The following EFCAB11 variants were observed in gnomAD, a reference collection of about 807,000 sequenced individuals.
The protein encoded by EFCAB11 is EF-hand calcium-binding domain-containing protein 11.
In EFCAB11, 14 loss-of-function variants were observed where a neutral mutation model predicts 23.0. The observed-to-expected ratio is 0.61, with a 90% CI of 0.40 to 0.95. The LOEUF is 0.95. EFCAB11 is among the 40% of genes least tolerant of loss of function. EFCAB11 has a pLI of 0.00. For missense variants in EFCAB11, 198 were observed against 195.8 expected (o/e 1.01, Z -0.07); for synonymous variants, 65 against 66.6 (o/e 0.98, Z 0.11).
intron 5 of EFCAB11, among the ~76,000 whole-genome samples, chr14:89,890,803 G>T (rs1888940470): frequency 6.6e-6 from 1 of 152,230 alleles, no homozygotes; most frequent in Non-Finnish European, 1.5e-5. Context: ...TGGGGCTGCG[G>T]TCTGGTAGCC....
chr14:89,922,459 TC>T (rs1306370355), intron 5 of EFCAB11, among the ~76,000 whole-genome samples: 1 of 152,192 alleles, frequency 6.6e-6, no homozygotes. Flanking sequence ...CACCCTTTTT[TC>T]TCAGATGACA....
chr14:89,866,134 T>A (rs1888085463), intron 5 of EFCAB11, among the ~76,000 whole-genome samples: 1 of 152,172 alleles, frequency 6.6e-6, no homozygotes, highest in Admixed American at 6.5e-5. Flanking sequence ...TGCTTGACTG[T>A]CAGAGGACTT....
chr14:89,859,440 T>C (rs1887854068), intron 5 of EFCAB11, among the ~76,000 whole-genome samples: 1 of 152,234 alleles, frequency 6.6e-6, no homozygotes, highest in Non-Finnish European at 1.5e-5. Context: ...GAGAGACTTG[T>C]GTTTCTCACA....
chr14:89,909,249 C>T (rs1273942275), intron 5 of EFCAB11, among the ~76,000 whole-genome samples: 1 of 152,174 alleles, frequency 6.6e-6, no homozygotes, highest in African/African-American at 2.4e-5. Context: ...CATTTTAATC[C>T]ATTCTCCACA....
intron 5 of EFCAB11, among the ~76,000 whole-genome samples, chr14:89,807,449 A>G (rs1457378531): frequency 2.0e-5 from 3 of 152,208 alleles, no homozygotes; most frequent in Admixed American, 2.0e-4. Flanking sequence ...ATATTTCCAT[A>G]CAAGAAAGCT....
intron 5 of EFCAB11, among the ~76,000 whole-genome samples, chr14:89,806,860 T>C (rs1052205730): frequency 6.6e-6 from 1 of 152,196 alleles, no homozygotes; most frequent in Non-Finnish European, 1.5e-5. Flanking sequence ...ACTAGTATCT[T>C]TGTATGCAGA....
chr14:89,836,363 A>G (rs1887078634), intron 5 of EFCAB11: 1 of 342,052 alleles, frequency 2.9e-6, no homozygotes, highest in African/African-American at 2.2e-5. Context: ...TTTAGACCAC[A>G]TTCCAGGTAC....
intron 5 of EFCAB11, among the ~76,000 whole-genome samples, chr14:89,921,393 T>A (rs1890019179): frequency 6.6e-6 from 1 of 152,188 alleles, no homozygotes; most frequent in African/African-American, 2.4e-5. Context: ...AAAAAGCTAT[T>A]GAAGTTAGGA....
In EFCAB11 at chr14:89,900,722, A is replaced by C. The variant is rs192594685; in HGVS notation, c.410+30819T>G. 1.5e-4 allele frequency among the ~76,000 whole-genome samples: 23 copies of C among 152,358 alleles called. No homozygotes were observed. The East Asian group carries it at 4.2e-3, about 28-fold the overall frequency. On this transcript the variant is annotated intron_variant, in intron 5 of 5. Coordinates refer to ENST00000316738, the MANE Select transcript of EFCAB11 (RefSeq NM_145231.4). ...CACAGAATCAGGGAGAGTTAGAAAG[A>C]ATAAAGCAAAACAAACATCCAGGGA...
chr14:89,906,816 A>T (rs1251900604), intron 5 of EFCAB11, among the ~76,000 whole-genome samples: 1 of 152,230 alleles, frequency 6.6e-6, no homozygotes, highest in Non-Finnish European at 1.5e-5. Context: ...TTATTAGTAT[A>T]CTGGACTGTG....
intron 5 of EFCAB11, among the ~76,000 whole-genome samples, chr14:89,892,622 C>T (rs1460695301): frequency 6.6e-6 from 1 of 152,164 alleles, no homozygotes; most frequent in Non-Finnish European, 1.5e-5. Context: ...GGTCTGATGG[C>T]CAGGCATGGT....
chr14:89,863,627 G>A (rs1887997038), intron 5 of EFCAB11, among the ~76,000 whole-genome samples: 1 of 152,234 alleles, frequency 6.6e-6, no homozygotes, highest in Admixed American at 6.5e-5. Context: ...CCTGAGGAAA[G>A]GAAGTGTGTC....
At chr14:89,834,970 A>C (rs17126387) in intron 5 of EFCAB11, among the ~76,000 whole-genome samples, 10,841 of 152,244 alleles carry the variant, frequency 0.071, 421 homozygotes, top group South Asian at 0.12. Flanking sequence ...TTAGTGCTGA[A>C]GAAAGTTAGC....
intron 5 of EFCAB11, among the ~76,000 whole-genome samples, chr14:89,826,800 C>T (rs972132065): frequency 2.6e-5 from 4 of 152,058 alleles, no homozygotes; most frequent in African/African-American, 7.2e-5. Flanking sequence ...TAAGTGCAGC[C>T]GCCACTTGGT....
chr14:89,934,081 G>A (rs1199160005), intron 3 of EFCAB11, among the ~76,000 whole-genome samples: 1 of 152,206 alleles, frequency 6.6e-6, no homozygotes, highest in African/African-American at 2.4e-5. Context: ...GGCAGCAGGG[G>A]CCAAAACTCA....
intron 5 of EFCAB11, among the ~76,000 whole-genome samples, chr14:89,865,829 T>TA (rs1322230537): frequency 8.2e-5 from 1 of 12,144 alleles, no homozygotes; most frequent in East Asian, 5.9e-4. Context: ...CATGCTCGGC[T>TA]AATTTTGTAT....
chr14:89,915,498 C>CA (rs1300557681), intron 5 of EFCAB11, among the ~76,000 whole-genome samples: 1 of 152,192 alleles, frequency 6.6e-6, no homozygotes, highest in African/African-American at 2.4e-5. Context: ...GCTCGGCTCT[C>CA]AATCTGTTTG....
At chr14:89,945,410 T>G (rs1323994942) in intron 3 of EFCAB11, among the ~76,000 whole-genome samples, 1 of 152,236 alleles carries the variant, frequency 6.6e-6, no homozygotes, top group Non-Finnish European at 1.5e-5. Flanking sequence ...CTACAAAATT[T>G]GAAATGTGGT....
intron 5 of EFCAB11, among the ~76,000 whole-genome samples, chr14:89,899,057 G>A (rs989512981): frequency 3.3e-5 from 5 of 152,208 alleles, no homozygotes; most frequent in South Asian, 2.1e-4. Context: ...AAACTCTACG[G>A]AGAGAATGAA....
Sources: allele counts gnomAD v4.1 joint callset (sites outside exome capture counted in the v4.1 genomes callset), GRCh38; gene constraint gnomAD v4.1.1; transcripts MANE v1.5; gene names NCBI Gene and HGNC (gene_info 2026-07-23, HGNC 2026-07-21).